TACC2: variants seen among roughly 807,000 people sequenced by gnomAD.
TACC2 encodes transforming acidic coiled-coil-containing protein 2.
Under a neutral mutation model 227.3 loss-of-function variants are expected in TACC2, and 137 were observed. The ratio of observed to expected loss-of-function variants is 0.60; its 90% confidence interval spans 0.52 to 0.69. The LOEUF is 0.69. Among genes scored for constraint, TACC2 ranks in the 30% least tolerant of loss-of-function variants. The pLI is 0.00. For missense variants in TACC2, 3,470 were observed against 3,694.4 expected (o/e 0.94, Z 1.57); for synonymous variants, 1,523 against 1,487.5 (o/e 1.02, Z -0.55).
chr10:122,025,948 A>G (rs1477310749), intron 2 of TACC2, among the ~76,000 whole-genome samples: 1 of 151,890 alleles, frequency 6.6e-6, no homozygotes, highest in African/African-American at 2.4e-5. Flanking sequence ...TTGTCAGCTC[A>G]TAGTTTGCAG....
At chr10:122,200,624 G>T (rs1427724569) in intron 8 of TACC2, among the ~76,000 whole-genome samples, 1 of 147,098 alleles carries the variant, frequency 6.8e-6, no homozygotes, top group African/African-American at 2.6e-5. Flanking sequence ...GTGAGAGGAC[G>T]GCCACCTCAC....
In TACC2 at chr10:122,141,856, T is replaced by G. The variant is rs1238213455; in HGVS notation, c.5700-1716T>G. On this transcript the variant is annotated intron_variant, in intron 6 of 22. Coordinates refer to ENST00000369005, the MANE Select transcript of TACC2 (RefSeq NM_206862.4). The surrounding 1 kb of genome is among the most constrained non-coding windows in gnomAD (Gnocchi z 4.3). ...GGGGGAGCACAGCAGTGTAATTTCT[T>G]GAGAAAGCGAAGTTAGACTAGTAGT... Among the ~76,000 whole-genome samples, 1 of 152,094 alleles carries G rather than the reference T, an allele frequency of 6.6e-6. No individual in the cohort carries two copies. Among genetic ancestry groups the G allele is most frequent in the Admixed American group, 6.5e-5 (1 of 15,290 alleles).
At chr10:122,203,279 G>T in intron 8 of TACC2, among the ~76,000 whole-genome samples, 1 of 141,174 alleles carries the variant, frequency 7.1e-6, no homozygotes, top group East Asian at 2.3e-4. Flanking sequence ...GCGGCTGGCC[G>T]GGCAGAGGGG....
intron 7 of TACC2, among the ~76,000 whole-genome samples, chr10:122,190,405 T>G (rs934009191): frequency 2.6e-4 from 39 of 152,186 alleles, no homozygotes; most frequent in Admixed American, 2.0e-3. Flanking sequence ...TCTGTGGGAC[T>G]CTAGAGACCA....
intron 5 of TACC2, among the ~76,000 whole-genome samples, chr10:122,095,223 G>A (rs1307250981): frequency 1.3e-5 from 2 of 152,256 alleles, no homozygotes; most frequent in African/African-American, 4.8e-5. Context: ...CCCCAATTCT[G>A]CTTCTAGGCT....
intron 2 of TACC2, among the ~76,000 whole-genome samples, chr10:122,039,406 G>T (rs1263769835): frequency 6.6e-6 from 1 of 152,190 alleles, no homozygotes; most frequent in Non-Finnish European, 1.5e-5. Context: ...TTAAGGGTCT[G>T]TTCCGTGATG....
chr10:122,160,467 G>T (rs1438451541), intron 7 of TACC2, among the ~76,000 whole-genome samples: 1 of 152,192 alleles, frequency 6.6e-6, no homozygotes, highest in African/African-American at 2.4e-5. Context: ...TTGGGTTCCT[G>T]ATGAAGGCTC....
intron 3 of TACC2, among the ~76,000 whole-genome samples, chr10:122,060,788 T>C (rs2076702844): frequency 6.7e-6 from 1 of 148,904 alleles, no homozygotes; most frequent in South Asian, 2.1e-4. Context: ...GCGGATCACC[T>C]GAGGTCAGGA....
chr10:122,064,799 T>G (rs940507558), intron 3 of TACC2, among the ~76,000 whole-genome samples: 8 of 152,184 alleles, frequency 5.3e-5, no homozygotes, highest in Non-Finnish European at 8.8e-5. Flanking sequence ...GTCTCTATAG[T>G]TTTGTTCTAA....
At chr10:122,239,035 C>T (rs2095921932) in intron 18 of TACC2, among the ~76,000 whole-genome samples, 1 of 151,996 alleles carries the variant, frequency 6.6e-6, no homozygotes, top group African/African-American at 2.4e-5. Flanking sequence ...CGGAGTTTCC[C>T]TCTTGTTGCC....
At chr10:122,102,966 C>T (rs1047969302) in intron 5 of TACC2, among the ~76,000 whole-genome samples, 1 of 152,160 alleles carries the variant, frequency 6.6e-6, no homozygotes. Context: ...AAATATGCCT[C>T]CTCGCCCTGT....
In TACC2 at chr10:122,229,327, C is replaced by T; in HGVS notation, c.7897-19C>T. ...CTCCTCTATTTTTCTTGTGTGTCCTCCTCTCTGCCGGCTTTCAGACAGCTC... is the reference window on the plus strand; with the variant it reads ...CTCCTCTATTTTTCTTGTGTGTCCTTCTCTCTGCCGGCTTTCAGACAGCTC... On this transcript the variant is annotated intron_variant, in intron 14 of 22. Coordinates refer to ENST00000369005, the MANE Select transcript of TACC2 (RefSeq NM_206862.4). 4 of 1,613,646 alleles carry T rather than the reference C, an allele frequency of 2.5e-6. No homozygotes were observed. The highest frequency in any genetic ancestry group is 3.4e-6 in the Non-Finnish European group (4 of 1,179,908).
At chr10:122,059,050 G>T (rs532841586) in intron 3 of TACC2, among the ~76,000 whole-genome samples, 42 of 126,728 alleles carry the variant, frequency 3.3e-4, no homozygotes, top group Middle Eastern at 4.1e-3. Flanking sequence ...CTGCCACTAC[G>T]CCTGGCTAAT....
At chr10:122,158,135 T>G (rs2092602695) in intron 7 of TACC2, among the ~76,000 whole-genome samples, 1 of 152,044 alleles carries the variant, frequency 6.6e-6, no homozygotes, top group Non-Finnish European at 1.5e-5. Flanking sequence ...CACTTGTAAT[T>G]CCAGCACTTT....
intron 16 of TACC2, among the ~76,000 whole-genome samples, chr10:122,232,562 G>A (rs970820574): frequency 6.6e-6 from 1 of 152,202 alleles, no homozygotes; most frequent in African/African-American, 2.4e-5. Context: ...TTTCAGAGGC[G>A]TATGCTCAAA....
intron 6 of TACC2, among the ~76,000 whole-genome samples, chr10:122,133,916 G>A (rs950866801): frequency 1.1e-4 from 17 of 152,174 alleles, no homozygotes; most frequent in African/African-American, 3.6e-4. Context: ...GAATGGTGGC[G>A]ACTTGAACCA....
chr10:122,005,441 G>T (rs962760631), intron 1 of TACC2, among the ~76,000 whole-genome samples: 1 of 147,868 alleles, frequency 6.8e-6, no homozygotes, highest in Non-Finnish European at 1.5e-5. Flanking sequence ...ATGGAGTGCA[G>T]TGGCATGATC....
intron 5 of TACC2, among the ~76,000 whole-genome samples, chr10:122,109,554 T>G (rs908077960): frequency 6.6e-6 from 1 of 152,236 alleles, no homozygotes; most frequent in Non-Finnish European, 1.5e-5. Flanking sequence ...TCAGCAATGC[T>G]AGTCCTGTTG....
At chr10:122,241,579 C>G in intron 18 of TACC2, 1 of 268,142 alleles carries the variant, frequency 3.7e-6, no homozygotes, top group Non-Finnish European at 7.3e-6. Context: ...GTGCACACCA[C>G]TATGCCTTAT....
Sources: gnomAD v4.1 joint callset for allele counts (sites outside exome capture counted in the v4.1 genomes callset) on GRCh38, gnomAD v4.1.1 for gene constraint, Gnocchi (gnomAD v3.1) non-coding constraint, MANE v1.5 for transcripts, NCBI Gene and HGNC (gene_info 2026-07-23, HGNC 2026-07-21) for gene names.